Variants in LARP4B observed in about 807,000 individuals in gnomAD.
The protein encoded by LARP4B is la-related protein 4B.
Under a neutral mutation model 89.8 loss-of-function variants are expected in LARP4B, and 12 were observed. The ratio of observed to expected loss-of-function variants is 0.13; its 90% CI spans 0.09 to 0.22. The LOEUF is 0.22. LARP4B is among the 10% of genes least tolerant of loss of function. LARP4B has a pLI of 1.00. For synonymous variants in LARP4B, 367 were observed against 363.3 expected, an observed-to-expected ratio of 1.01 and a Z score of -0.12; for missense variants, 757 against 947.7, an observed-to-expected ratio of 0.80 and a Z score of 2.64.
chr10:963,129 C>T, the LARP4B span, among the ~76,000 whole-genome samples: 5 of 152,314 alleles, frequency 3.3e-5, no homozygotes, highest in Admixed American at 2.6e-4. Context: ...CTGCTCTCTG[C>T]ACCCCACATA....
the LARP4B span, among the ~76,000 whole-genome samples, chr10:973,496 C>G: frequency 6.6e-6 from 1 of 151,972 alleles, no homozygotes; most frequent in Non-Finnish European, 1.5e-5. Context: ...GGACTACAGG[C>G]ACCCTCCACC....
intron 1 of LARP4B, 64 bp downstream of exon 1, chr10:931,364 G>A (rs1445728300): frequency 6.7e-6 from 1 of 149,502 alleles, no homozygotes; most frequent in African/African-American, 2.4e-5. Context: ...GCAGTGACAG[G>A]CGGCGCGGCG....
chr10:860,068 C>T (rs1834516030), intron 5 of LARP4B, among the ~76,000 whole-genome samples: 1 of 122,236 alleles, frequency 8.2e-6, no homozygotes, highest in Non-Finnish European at 1.6e-5. Context: ...ATCAATTATA[C>T]AAAGGCACCC....
the LARP4B span, among the ~76,000 whole-genome samples, chr10:944,629 C>T: frequency 6.6e-6 from 1 of 152,240 alleles, no homozygotes; most frequent in African/African-American, 2.4e-5. Flanking sequence ...CAAACTCCAG[C>T]TGTGGGCATC....
At chr10:968,046 T>A in the LARP4B span, among the ~76,000 whole-genome samples, 1 of 152,260 alleles carries the variant, frequency 6.6e-6, no homozygotes, top group Non-Finnish European at 1.5e-5. Flanking sequence ...GACTGTGTTA[T>A]CCCCTCATAT....
chr10:971,027 C>T, the LARP4B span: 3 of 152,250 alleles, frequency 2.0e-5, no homozygotes, highest in African/African-American at 7.2e-5. Flanking sequence ...CACACGGGCA[C>T]ACTGAGCCGC....
Position 815,088 on chromosome 10 carries a change from G to A in LARP4B, c.1696-18C>T. 2 of 1,536,058 alleles carry A rather than the reference G, an allele frequency of 1.3e-6. No homozygotes were observed. The highest frequency in any genetic ancestry group is 1.8e-6 in the Non-Finnish European group (2 of 1,139,640). ...CTGAGGGTCTGAAACAGGGTCAAGA[G>A]TGTTCATCAGAGTCCTGCCGGCACT... On this transcript the variant is annotated intron_variant, in intron 15 of 17. Coordinates refer to ENST00000316157, the MANE Select transcript of LARP4B (RefSeq NM_015155.3).
the LARP4B span, among the ~76,000 whole-genome samples, chr10:966,087 T>A: frequency 4.4e-3 from 222 of 50,352 alleles, 8 homozygotes; most frequent in East Asian, 0.14. Flanking sequence ...TGTGTGTGTA[T>A]GAGATTTTAT....
chr10:955,672 G>A, the LARP4B span, among the ~76,000 whole-genome samples: 595 of 152,168 alleles, frequency 3.9e-3, 4 homozygotes, highest in African/African-American at 0.014. The surrounding 1 kb of genome is among the most constrained non-coding windows in gnomAD (Gnocchi z 5.2). Context: ...GAGCTTTTCC[G>A]GGCTGCCTGA....
intron 15 of LARP4B, among the ~76,000 whole-genome samples, chr10:817,296 G>A (rs1489089946): frequency 1.3e-5 from 2 of 152,200 alleles, no homozygotes; most frequent in African/African-American, 4.8e-5. Context: ...AGAAGCTACC[G>A]ACACTACAGT....
chr10:918,614 C>A (rs1391765342), intron 1 of LARP4B, among the ~76,000 whole-genome samples: 2 of 116,300 alleles, frequency 1.7e-5, no homozygotes, highest in Non-Finnish European at 3.3e-5. Flanking sequence ...AGCCTGGCAA[C>A]AGAGTGAGAC....
At chr10:869,658 G>C (rs541192067) in intron 3 of LARP4B, among the ~76,000 whole-genome samples, 1 of 151,998 alleles carries the variant, frequency 6.6e-6, no homozygotes, top group Non-Finnish European at 1.5e-5. Context: ...AGGCTGAGGC[G>C]GGTGGATCTC....
intron 8 of LARP4B, among the ~76,000 whole-genome samples, chr10:835,427 A>G (rs1371804709): frequency 6.6e-6 from 1 of 152,208 alleles, no homozygotes; most frequent in African/African-American, 2.4e-5. Flanking sequence ...CATGTGAGAG[A>G]TGAGACCAAC....
intron 3 of LARP4B, among the ~76,000 whole-genome samples, chr10:879,777 C>A (rs904128728): frequency 1.3e-5 from 2 of 151,336 alleles, no homozygotes; most frequent in Non-Finnish European, 2.9e-5. Context: ...CAAGTCTTTT[C>A]TTTTCTTTTT....
chr10:976,637 A>G, the LARP4B span, among the ~76,000 whole-genome samples: 1 of 150,876 alleles, frequency 6.6e-6, no homozygotes, highest in South Asian at 2.1e-4. Context: ...CCTATCATGC[A>G]ACGTGTGGAC....
intron 3 of LARP4B, among the ~76,000 whole-genome samples, chr10:879,604 C>T (rs1217825488): frequency 6.6e-6 from 1 of 151,932 alleles, no homozygotes; most frequent in Admixed American, 6.6e-5. Flanking sequence ...CTCAAGCAAT[C>T]CTCCCCCATC....
chr10:954,364 C>T, the LARP4B span, among the ~76,000 whole-genome samples: 14 of 152,024 alleles, frequency 9.2e-5, no homozygotes, highest in South Asian at 4.2e-4. This position sits in a 1 kb window ranked among gnomAD's most constrained non-coding sequence, Gnocchi z 5.0. Context: ...TGGACGCGGA[C>T]GAAAAGGGGG....
chr10:829,381 G>A lies in LARP4B; in HGVS notation c.1125+4C>T, dbSNP rs768195044. 30 of 1,582,050 alleles carry A rather than the reference G, an allele frequency of 1.9e-5. No homozygotes were observed. The highest frequency in any genetic ancestry group is 9.0e-5 in the East Asian group (4 of 44,452). On this transcript the variant is annotated splice_donor_region_variant and intron_variant, in intron 11 of 17. Coordinates refer to ENST00000316157, the MANE Select transcript of LARP4B (RefSeq NM_015155.3). The stretch of plus-strand genomic sequence containing the variant: ...CATAAATTCCTAGTAAAGAAATGAC[G>A]TACCAAGGGTGGGTCAAGATAGCTG...
rs746474209 is a variant in LARP4B, at chr10:817,761, C to G, written c.1659G>C (p.Arg553Ser). 1 of 1,614,184 alleles carries G rather than the reference C, an allele frequency of 6.2e-7. No individual in the cohort carries two copies. The highest frequency in any genetic ancestry group is 8.5e-7 in the Non-Finnish European group (1 of 1,180,038). Residue 553 changes from arginine to serine, a missense_variant, in exon 15 of 18, where the codon AGG becomes AGC. Arg to Ser is a moderately radical substitution (Grantham distance 110, BLOSUM62 -1). Transcript: ENST00000316157. ...ATGGTCCTATTATCAAGCTAGATAG[C>G]CTGTTTTCAAACAAGTCCTCTGTCT... ...NLKTEDLFEN[R>S]LSSLIIGPSK...
Sources: gnomAD v4.1 joint callset for allele counts (sites outside exome capture counted in the v4.1 genomes callset) on GRCh38, gnomAD v4.1.1 for gene constraint, Gnocchi (gnomAD v3.1) non-coding constraint, MANE v1.5 for transcripts, NCBI Gene and HGNC (gene_info 2026-07-23, HGNC 2026-07-21) for gene names.